Variants in STARD13 observed in about 807,000 individuals in gnomAD.
STARD13 encodes the protein stAR-related lipid transfer protein 13.
Under a neutral mutation model 106.4 loss-of-function variants are expected in STARD13, and 62 were observed. That is an observed-to-expected ratio of 0.58 (90% CI 0.48 to 0.72). The LOEUF is 0.72. Among genes scored for constraint, STARD13 ranks in the 30% least tolerant of loss-of-function variants. The pLI is 0.00. For missense variants in STARD13, 1,387 were observed against 1,424.0 expected (o/e 0.97, Z 0.42); for synonymous variants, 565 against 553.0 (o/e 1.02, Z -0.31).
At chr13:33,457,550 T>A in the STARD13 span, among the ~76,000 whole-genome samples, 1 of 152,332 alleles carries the variant, frequency 6.6e-6, no homozygotes, top group South Asian at 2.1e-4. Flanking sequence ...CCAATACACC[T>A]GTCTTAGTCC....
intron 4 of STARD13, among the ~76,000 whole-genome samples, chr13:33,131,575 A>C (rs1878301929): frequency 6.6e-6 from 1 of 152,160 alleles, no homozygotes; most frequent in Admixed American, 6.5e-5. Flanking sequence ...AAAGTGAGAC[A>C]CTATCTCAAA....
intron 4 of STARD13, among the ~76,000 whole-genome samples, chr13:33,140,858 A>G (rs1792570127): frequency 6.6e-6 from 1 of 151,008 alleles, no homozygotes; most frequent in Non-Finnish European, 1.5e-5. Flanking sequence ...TCCCGGGTTC[A>G]AGTGATTCTC....
chr13:33,508,141 A>G, the STARD13 span, among the ~76,000 whole-genome samples: 1 of 152,034 alleles, frequency 6.6e-6, no homozygotes, highest in Non-Finnish European at 1.5e-5. Flanking sequence ...CTTCAGGAAA[A>G]CCACTCCTCT....
At chr13:33,545,526 A>G in the STARD13 span, among the ~76,000 whole-genome samples, 313 of 152,362 alleles carry the variant, frequency 2.1e-3, 1 homozygote, top group African/African-American at 4.5e-3. Flanking sequence ...TTTTGGGAGC[A>G]TTATTGCTAT....
At chr13:33,142,600 T>C (rs1879983738) in intron 3 of STARD13, among the ~76,000 whole-genome samples, 1 of 152,218 alleles carries the variant, frequency 6.6e-6, no homozygotes, top group Non-Finnish European at 1.5e-5. Flanking sequence ...CCCTGCCTTT[T>C]CCCTAATCTA....
intron 12 of STARD13, among the ~76,000 whole-genome samples, chr13:33,107,587 A>C (rs549043450): frequency 6.6e-6 from 1 of 152,256 alleles, no homozygotes; most frequent in South Asian, 2.1e-4. Flanking sequence ...GTGGCTCTTG[A>C]GTGGGAGAAG....
intron 1 of STARD13, among the ~76,000 whole-genome samples, chr13:33,245,733 C>T (rs182214966): frequency 9.4e-4 from 143 of 152,264 alleles, no homozygotes; most frequent in African/African-American, 3.2e-3. Context: ...TTCTGTGCAG[C>T]CAAGATAAGT....
chr13:33,253,701 AC>A lies in STARD13; in HGVS notation c.169+31768del, dbSNP rs369903345. Among the ~76,000 whole-genome samples, 67 of 152,018 alleles carry A rather than the reference AC, an allele frequency of 4.4e-4. 1 individual carries two copies. Among genetic ancestry groups the A allele is most frequent in the African/African-American group, 1.5e-3 (63 of 41,480 alleles). ...TCATGTGGCCCCCGAGACCACGGTGACCCCCTTCAATGTATGGCGTTGATTC... is the reference window on the plus strand; with the variant it reads ...TCATGTGGCCCCCGAGACCACGGTGACCCCTTCAATGTATGGCGTTGATTC... On this transcript the variant is annotated intron_variant, in intron 1 of 13. Transcript: ENST00000336934.
the STARD13 span, among the ~76,000 whole-genome samples, chr13:33,413,072 C>T: frequency 1.1e-4 from 16 of 152,252 alleles, no homozygotes; most frequent in East Asian, 2.9e-3. Flanking sequence ...AATGTTTTCT[C>T]TGACCACAAT....
chr13:33,457,845 G>A, the STARD13 span, among the ~76,000 whole-genome samples: 1 of 152,038 alleles, frequency 6.6e-6, no homozygotes, highest in South Asian at 2.1e-4. Flanking sequence ...TCATATTGGG[G>A]GTTAGATTTC....
intron 1 of STARD13, chr13:33,206,010 G>C: frequency 1.0e-6 from 1 of 985,330 alleles, no homozygotes; most frequent in Non-Finnish European, 1.2e-6. Flanking sequence ...CTGTGAGACT[G>C]GTCCACATCA....
At chr13:33,343,728 C>T (rs2077989343), downstream of STARD13, among the ~76,000 whole-genome samples, 1 of 151,812 alleles carries the variant, frequency 6.6e-6, no homozygotes, top group African/African-American at 2.4e-5. Context: ...GTCCATGTCA[C>T]TGTTTATCTC....
chr13:33,459,325 T>C, the STARD13 span, among the ~76,000 whole-genome samples: 2 of 152,218 alleles, frequency 1.3e-5, no homozygotes, highest in Non-Finnish European at 2.9e-5. Flanking sequence ...TTGCATTCTT[T>C]AAAATTTTGT....
chr13:33,528,378 T>C, the STARD13 span, among the ~76,000 whole-genome samples: 9 of 150,092 alleles, frequency 6.0e-5, no homozygotes, highest in Non-Finnish European at 1.3e-4. Flanking sequence ...CAAGCCATCC[T>C]CCAGCTTCAG....
At chr13:33,315,135 T>C (rs192568857) in intron 1 of STARD13, among the ~76,000 whole-genome samples, 7 of 152,320 alleles carry the variant, frequency 4.6e-5, no homozygotes, top group Non-Finnish European at 8.8e-5. Context: ...TCATCTTCAG[T>C]AATGTAAACT....
intron 4 of STARD13, among the ~76,000 whole-genome samples, chr13:33,141,263 C>T (rs1406744046): frequency 6.6e-6 from 1 of 152,152 alleles, no homozygotes; most frequent in East Asian, 1.9e-4. Flanking sequence ...CAGACACCTC[C>T]GAGGTAGAAA....
intron 1 of STARD13, chr13:33,278,634 T>A: frequency 6.6e-6 from 1 of 152,086 alleles, no homozygotes; most frequent in Non-Finnish European, 1.5e-5. Context: ...GGGAGAAAAT[T>A]CTCCCAAAGA....
At chr13:33,482,002 GA>G in the STARD13 span, among the ~76,000 whole-genome samples, 169 of 147,638 alleles carry the variant, frequency 1.1e-3, no homozygotes, top group East Asian at 3.8e-3. Flanking sequence ...AAAAAAGAAA[GA>G]AAAAAAAAGA....
the STARD13 span, among the ~76,000 whole-genome samples, chr13:33,503,955 G>A: frequency 6.6e-6 from 1 of 152,114 alleles, no homozygotes; most frequent in Non-Finnish European, 1.5e-5. Flanking sequence ...TATATGAACA[G>A]ACTCTTCTCA....
Sources: allele counts gnomAD v4.1 joint callset (sites outside exome capture counted in the v4.1 genomes callset), GRCh38; gene constraint gnomAD v4.1.1; transcripts MANE v1.5; gene names NCBI Gene and HGNC (gene_info 2026-07-23, HGNC 2026-07-21).